Variants in TNFRSF11A observed in about 807,000 individuals in gnomAD.
TNFRSF11A encodes tumor necrosis factor receptor superfamily member 11A.
TNFRSF11A carries 32 observed loss-of-function variants against 55.7 expected under a neutral mutation model. The ratio of observed to expected loss-of-function variants is 0.57; its 90% CI spans 0.43 to 0.77. The LOEUF (loss-of-function observed/expected upper bound fraction) is 0.77. TNFRSF11A is among the 30% of genes least tolerant of loss of function. TNFRSF11A has a pLI of 0.00. For missense variants in TNFRSF11A, 753 were observed against 809.8 expected (o/e 0.93, Z 0.85); for synonymous variants, 311 against 331.0 (o/e 0.94, Z 0.65).
intron 2 of TNFRSF11A, 85 bp from the exon 3 acceptor site, chr18:62,349,727 T>TG (rs757777950): frequency 5.9e-6 from 9 of 1,519,668 alleles, no homozygotes; most frequent in Non-Finnish European, 8.2e-6. Flanking sequence ...CATAGATGGG[T>TG]GCAATTTTTG....
intron 1 of TNFRSF11A, among the ~76,000 whole-genome samples, chr18:62,337,079 T>C (rs1176662025): frequency 6.6e-6 from 1 of 152,220 alleles, no homozygotes; most frequent in Non-Finnish European, 1.5e-5. Context: ...ATAAAGTCAA[T>C]TGTGCAGTTT....
In TNFRSF11A at chr18:62,352,227, C is replaced by T. The variant is rs369174908; in HGVS notation, c.284-2164C>T. ...ATCCTTGTCTTAAACTACAATCAGA[C>T]ATTTCTCTAAGGTTTCATGATTGTT... On this transcript the variant is annotated intron_variant, in intron 3 of 9. Coordinates refer to ENST00000586569, the MANE Select transcript of TNFRSF11A (RefSeq NM_003839.4). Among the ~76,000 whole-genome samples, 68 of 152,358 alleles carry T rather than the reference C, an allele frequency of 4.5e-4. 1 individual carries two copies. The East Asian group carries it at 0.013, about 28-fold the overall frequency.
intron 9 of TNFRSF11A, among the ~76,000 whole-genome samples, chr18:62,372,554 G>A (rs1388675359): frequency 6.6e-6 from 1 of 151,768 alleles, no homozygotes; most frequent in Non-Finnish European, 1.5e-5. Context: ...GGGTACATGT[G>A]CAGGTTTGTA....
chr18:62,366,831 A>G, intron 8 of TNFRSF11A, 71 bp downstream of exon 8: 6 of 1,470,930 alleles, frequency 4.1e-6, no homozygotes, highest in Non-Finnish European at 5.7e-6. Context: ...CATCCTAGTC[A>G]CATATTGAGC....
chr18:62,348,058 CA>C (rs201661953), intron 1 of TNFRSF11A, 109 bp from the exon 2 acceptor site: 184,464 of 614,876 alleles, frequency 0.3, 10,369 homozygotes, highest in Non-Finnish European at 0.34. Context: ...AAACTCCATT[CA>C]AAAAAAAAAA....
In TNFRSF11A at chr18:62,384,978, C is replaced by T; in HGVS notation, c.1795C>T (p.Arg599Trp). Residue 599 changes from arginine (R) to tryptophan (W), a missense_variant, in exon 10 of 10, where the codon CGG becomes TGG. Physicochemically the swap from Arg to Trp is moderately radical, Grantham distance 101 (BLOSUM62 -3). Transcript: ENST00000586569. ...PDPCGGPEGL[R>W]EPEKASRPVQ... Reference sequence around the variant, plus strand: ...CCCGTGCGGCGGCCCCGAGGGGCTGCGGGAGCCGGAGAAGGCCTCGAGGCC... The same window carrying T: ...CCCGTGCGGCGGCCCCGAGGGGCTGTGGGAGCCGGAGAAGGCCTCGAGGCC... 6.8e-7 allele frequency: 1 copy of T among 1,471,440 alleles called. No individual in the cohort carries two copies. The highest frequency in any genetic ancestry group is 8.9e-7 in the Non-Finnish European group (1 of 1,121,206). 91.1% of individuals were successfully genotyped at this position (1,471,440 alleles called of 1,614,324 possible). A position where few individuals can be genotyped will look rare whatever the true frequency, so the allele number is the denominator to read the frequency against.
At chr18:62,363,227 A>G (rs1909819984) in intron 7 of TNFRSF11A, among the ~76,000 whole-genome samples, 1 of 152,146 alleles carries the variant, frequency 6.6e-6, no homozygotes, top group African/African-American at 2.4e-5. Flanking sequence ...GGACTTCAAG[A>G]GACCCTGCAT....
rs565455241 is a variant in TNFRSF11A at position 62,385,179 on chromosome 18, C to G, written c.*145C>G. The G allele has an allele frequency of 1.0e-6, 1 of 984,964 alleles. No homozygotes were observed. Among genetic ancestry groups the G allele is most frequent in the Non-Finnish European group, 1.4e-6 (1 of 731,982 alleles). The allele number at this position is 984,964 out of a possible 1,614,324, so 61.0% of individuals were successfully genotyped here. On this transcript the variant is annotated 3_prime_UTR_variant, in exon 10 of 10. Coordinates refer to ENST00000586569, the MANE Select transcript of TNFRSF11A (RefSeq NM_003839.4). ...GGCATTCTCTGCCCACTTTGCCTTC[C>G]AGGAAATGGGCTTTTCAGGAAGTGA...
intron 1 of TNFRSF11A, among the ~76,000 whole-genome samples, chr18:62,338,282 C>T (rs1484175848): frequency 6.6e-6 from 1 of 152,084 alleles, no homozygotes; most frequent in African/African-American, 2.4e-5. Flanking sequence ...GTGGGTGCCT[C>T]GAAGAGCTAA....
intron 1 of TNFRSF11A, among the ~76,000 whole-genome samples, chr18:62,334,723 C>T (rs891900123): frequency 1.3e-5 from 2 of 152,032 alleles, no homozygotes; most frequent in African/African-American, 4.8e-5. Context: ...TTTTTTTGAT[C>T]CCTTAAAAGA....
In TNFRSF11A at chr18:62,384,842, G is replaced by T. The variant is rs1202795704; in HGVS notation, c.1659G>T (p.Gln553His). 1 of 1,610,674 alleles carries T rather than the reference G, an allele frequency of 6.2e-7. No individual in the cohort carries two copies. The highest frequency in any genetic ancestry group is 1.3e-5 in the African/African-American group (1 of 75,026). ...ACATCATCGTGGTCTACGTCAGCCA[G>T]ACCTCGCAGGAGGGCGCGGCGGCGG... Reference protein sequence around the residue: ...KGDIIVVYVSQTSQEGAAAAA... With the variant: ...KGDIIVVYVSHTSQEGAAAAA... The change falls in exon 10 of 10, where the codon CAG becomes CAT. Residue 553 changes from glutamine (Q) to histidine (H), a missense_variant. Physicochemically the swap from Gln to His is conservative, Grantham distance 24. Around this residue, in one of 3 missense-constraint regions of TNFRSF11A, gnomAD observed 567 missense variants for 596.7 expected, o/e 0.95. Coordinates refer to ENST00000586569, the MANE Select transcript of TNFRSF11A (RefSeq NM_003839.4).
chr18:62,371,089 CA>C (rs1233342517), intron 9 of TNFRSF11A, among the ~76,000 whole-genome samples: 1 of 152,226 alleles, frequency 6.6e-6, no homozygotes, highest in Non-Finnish European at 1.5e-5. Flanking sequence ...CTCAGTCTCC[CA>C]AAGTGCTGGG....
chr18:62,327,285 C>T (rs2046089811), intron 1 of TNFRSF11A, among the ~76,000 whole-genome samples: 1 of 152,112 alleles, frequency 6.6e-6, no homozygotes, highest in Admixed American at 6.5e-5. Flanking sequence ...TTTGGAGGAT[C>T]TTTCTTTGGG....
At chr18:62,334,541 G>A (rs1300423465) in intron 1 of TNFRSF11A, among the ~76,000 whole-genome samples, 10 of 152,154 alleles carry the variant, frequency 6.6e-5, no homozygotes, top group Non-Finnish European at 1.5e-4. Flanking sequence ...TTAAACCTTT[G>A]CCCTCATAAG....
intron 7 of TNFRSF11A, among the ~76,000 whole-genome samples, chr18:62,363,421 T>A (rs561887955): frequency 7.2e-6 from 1 of 139,510 alleles, no homozygotes; most frequent in South Asian, 2.3e-4. Flanking sequence ...CAAGCTGGAG[T>A]GCAGTGGTGT....
In TNFRSF11A at chr18:62,385,001, G is replaced by A. The variant is rs2145406472; in HGVS notation, c.1818G>A (p.Arg606=). 4 of 1,478,688 alleles carry A rather than the reference G, an allele frequency of 2.7e-6. No homozygotes were observed. The highest frequency in any genetic ancestry group is 2.7e-6 in the Non-Finnish European group (3 of 1,124,654). 91.6% of individuals were successfully genotyped at this position (1,478,688 alleles called of 1,614,324 possible). A position where few individuals can be genotyped will look rare whatever the true frequency, so the allele number is the denominator to read the frequency against. Residue 606 remains arginine (R), a synonymous_variant, in exon 10 of 10, where the codon AGG becomes AGA. Coordinates refer to ENST00000586569, the MANE Select transcript of TNFRSF11A (RefSeq NM_003839.4). ...TGCGGGAGCCGGAGAAGGCCTCGAG[G>A]CCGGTGCAGGAGCAAGGCGGGGCCA... is the stretch of plus-strand genomic sequence containing the variant. The part of the protein sequence containing the change: ...EGLREPEKAS[R]PVQEQGGAKA
chr18:62,378,328 C>T (rs1911037233), intron 9 of TNFRSF11A, among the ~76,000 whole-genome samples: 1 of 152,168 alleles, frequency 6.6e-6, no homozygotes, highest in Admixed American at 6.5e-5. Flanking sequence ...AGAAATGAGA[C>T]TGTGGGGTTT....
In TNFRSF11A at chr18:62,366,730, T is replaced by C; in HGVS notation, c.753T>C (p.Asn251=). Residue 251 remains asparagine (N), a synonymous_variant, in exon 8 of 10, where the codon AAT becomes AAC. Transcript: ENST00000586569. ...ALTANLWHWI[N]EACGRLSGDK... ...TAGCTAATTTGTGGCACTGGATCAA[T>C]GAGGCTTGTGGCCGCCTAAGTGGAG... 4 of 1,614,252 alleles carry C rather than the reference T, an allele frequency of 2.5e-6. No individual in the cohort carries two copies. The highest frequency in any genetic ancestry group is 3.4e-6 in the Non-Finnish European group (4 of 1,180,040).
intron 1 of TNFRSF11A, among the ~76,000 whole-genome samples, chr18:62,346,109 T>C (rs1489178914): frequency 6.6e-6 from 1 of 152,226 alleles, no homozygotes; most frequent in African/African-American, 2.4e-5. Context: ...AAAGTACCTT[T>C]CTGTGTGTAG....
Sources: gnomAD v4.1 joint callset for allele counts (sites outside exome capture counted in the v4.1 genomes callset) on GRCh38, gnomAD v4.1.1 for gene constraint, gnomAD v4.1.1 regional missense constraint, MANE v1.5 for transcripts, NCBI Gene and HGNC (gene_info 2026-07-23, HGNC 2026-07-21) for gene names.